The following EIF3B variants were observed in gnomAD, a reference collection of about 807,000 sequenced individuals.
EIF3B encodes the protein eukaryotic translation initiation factor 3 subunit 9.
A neutral mutation model predicts 104.6 loss-of-function variants in EIF3B; 10 were observed. That is an observed-to-expected ratio of 0.10 (90% CI 0.06 to 0.16). EIF3B has a LOEUF of 0.16. Ranked by LOEUF, EIF3B falls within the 10% of genes least tolerant of loss-of-function variation. The pLI, the probability that EIF3B is intolerant of heterozygous loss-of-function variation, is 1.00. For synonymous variants in EIF3B, 542 were observed against 417.2 expected (o/e 1.30, Z -3.65); for missense variants, 1,014 against 1,087.9 (o/e 0.93, Z 0.96).
At chr7:2,356,320 G>A (rs1042719566) in intron 1 of EIF3B, among the ~76,000 whole-genome samples, 1 of 152,142 alleles carries the variant, frequency 6.6e-6, no homozygotes, top group Non-Finnish European at 1.5e-5. Flanking sequence ...ATTTTTAAAA[G>A]GCTATCAGAG....
At position 2,365,533 on chromosome 7, in the gene EIF3B, G is replaced by A. The variant is rs867935885; in HGVS notation, c.1158-784G>A. On this transcript the variant is annotated intron_variant, in intron 6 of 18. Transcript: ENST00000360876. Reference sequence around the variant, plus strand: ...TACACACTTTGTGTGAACTGAGTAAGCAGGTGCAGTAGCTCCAGACAAGCC... The same window carrying A: ...TACACACTTTGTGTGAACTGAGTAAACAGGTGCAGTAGCTCCAGACAAGCC... Among the ~76,000 whole-genome samples the A allele has an allele frequency of 1.3e-4, 20 of 152,332 alleles. No individual in the cohort carries two copies. The South Asian group carries it at 3.1e-3, about 24-fold the overall frequency.
rs142905401 is a variant in EIF3B at position 2,376,747 on chromosome 7, C to T, written c.2029-203C>T. The T allele has an allele frequency of 8.2e-4, 520 of 636,442 alleles. 4 individuals are homozygous for T. The highest frequency in any genetic ancestry group is 6.8e-3 in the African/African-American group (368 of 54,182). 39.4% of individuals were successfully genotyped at this position (636,442 alleles called of 1,614,324 possible). On this transcript the variant is annotated intron_variant, in intron 14 of 18. Coordinates refer to ENST00000360876, the MANE Select transcript of EIF3B (RefSeq NM_001037283.2). ...GTGATGAGCGCTGCTCCAGCTGCTC[C>T]GTGCCCCGCACTCCGGGTCGGTTGC... is the stretch of plus-strand genomic sequence containing the variant.
intron 1 of EIF3B, 49 bp from the exon 2 acceptor site, chr7:2,360,661 A>C: frequency 6.8e-7 from 1 of 1,461,596 alleles, no homozygotes. Flanking sequence ...TTAATGTATT[A>C]ATGTTTTTCT....
rs189767749 is a variant in EIF3B, at chr7:2,371,758, C to T, written c.1615-19C>T. On this transcript the variant is annotated intron_variant, in intron 10 of 18. Coordinates refer to ENST00000360876, the MANE Select transcript of EIF3B (RefSeq NM_001037283.2). ...TTCACTGTCCAGAATGTCACCCCTT[C>T]CCCCTTTTTTTTAAACAGGGTGTTG... The T allele has an allele frequency of 3.8e-3, 6,059 of 1,585,882 alleles. 33 individuals are homozygous for T. The highest frequency in any genetic ancestry group is 3.9e-3 in the Non-Finnish European group (4,451 of 1,154,356).
chr7:2,370,760 A>G, intron 10 of EIF3B, among the ~76,000 whole-genome samples: 1 of 151,734 alleles, frequency 6.6e-6, no homozygotes, highest in East Asian at 1.9e-4. Flanking sequence ...GTGAGACCCC[A>G]TCTCCACAGA....
intron 6 of EIF3B, among the ~76,000 whole-genome samples, chr7:2,365,339 G>T (rs1479357686): frequency 6.6e-6 from 1 of 152,136 alleles, no homozygotes; most frequent in African/African-American, 2.4e-5. Flanking sequence ...GCGAGCTGGG[G>T]CCACTCTAGG....
intron 12 of EIF3B, chr7:2,373,059 G>A (rs1780444711): frequency 6.5e-6 from 2 of 307,704 alleles, no homozygotes; most frequent in Admixed American, 4.9e-5. Flanking sequence ...ATCATCTCAA[G>A]TGAAGCTTTT....
upstream of EIF3B, chr7:2,354,443 T>C (rs1779267731): frequency 6.6e-6 from 1 of 152,232 alleles, no homozygotes; most frequent in Non-Finnish European, 1.5e-5. Context: ...GTCTCCACTC[T>C]TCCAGGGTAT....
At chr7:2,354,494 AC>A (rs1189196123), upstream of EIF3B, among the ~76,000 whole-genome samples, 4 of 152,168 alleles carry the variant, frequency 2.6e-5, no homozygotes, top group African/African-American at 7.2e-5. Context: ...CATTCCGGGT[AC>A]TAAAATCATT....
chr7:2,375,415 A>C lies in EIF3B; in HGVS notation c.1916A>C (p.Asp639Ala). 6.2e-7 allele frequency: 1 copy of C among 1,614,128 alleles called. No individual in the cohort carries two copies. The highest frequency in any genetic ancestry group is 8.5e-7 in the Non-Finnish European group (1 of 1,180,014). The change falls in exon 14 of 19, where the codon GAC becomes GCC. Residue 639 changes from aspartate (D) to alanine (A), a missense_variant. This residue lies in a region of EIF3B where 266 missense variants were observed against 324.0 expected (regional missense o/e 0.82). Coordinates refer to ENST00000360876, the MANE Select transcript of EIF3B (RefSeq NM_001037283.2). ...ATGAACGGTGCCTTAGCGTTTGTGG[A>C]CACTTCGGACTGCACGGTCATGAAC... is the stretch of plus-strand genomic sequence containing the variant. ...RSMNGALAFV[D>A]TSDCTVMNIA...
intron 15 of EIF3B, chr7:2,378,247 C>T (rs181863388): frequency 6.5e-4 from 97 of 148,290 alleles, no homozygotes; most frequent in African/African-American, 2.5e-3. Context: ...GGAGAAGGCG[C>T]GAGCACTGCT....
chr7:2,363,363 G>C (rs575011438), intron 4 of EIF3B, among the ~76,000 whole-genome samples: 8 of 152,158 alleles, frequency 5.3e-5, no homozygotes, highest in South Asian at 2.1e-4. Context: ...GGAGGCTGAG[G>C]GGGGAGGATC....
chr7:2,355,125 C>T lies in EIF3B; in HGVS notation c.204C>T (p.Thr68=), dbSNP rs1286087541. 2.9e-6 allele frequency: 4 copies of T among 1,402,644 alleles called. No individual in the cohort carries two copies. The highest frequency in any genetic ancestry group is 3.7e-6 in the Non-Finnish European group (4 of 1,087,656). 86.9% of individuals were successfully genotyped at this position (1,402,644 alleles called of 1,614,324 possible). The change falls in exon 1 of 19, where the codon ACC becomes ACT. Residue 68 remains threonine (T), a synonymous_variant. Coordinates refer to ENST00000360876, the MANE Select transcript of EIF3B (RefSeq NM_001037283.2). The part of the protein sequence containing the change: ...AEAGPESEVR[T]EPAAEAEAAS... ...CCGGGCCGGAGTCCGAGGTGAGGAC[C>T]GAGCCGGCGGCCGAGGCAGAGGCGG...
chr7:2,379,107 C>T (rs554618755), intron 16 of EIF3B, 27 bp from the exon 17 acceptor site: 10 of 1,603,928 alleles, frequency 6.2e-6, no homozygotes, highest in South Asian at 1.1e-5. Flanking sequence ...CTTACCAGTT[C>T]TGTGCTTTCC....
intron 4 of EIF3B, among the ~76,000 whole-genome samples, 176 bp downstream of exon 4, chr7:2,363,303 A>C (rs942895891): frequency 2.0e-5 from 3 of 151,996 alleles, no homozygotes; most frequent in African/African-American, 7.3e-5. Context: ...AAAGTAAATA[A>C]ATACATACAT....
In EIF3B at chr7:2,366,177, G is replaced by A. The variant is rs1005366278; in HGVS notation, c.1158-140G>A. ...GCGCCGCTGCTTCCCGCTTCCGCTT[G>A]GGTCTCTTGGGGCCGGGCAGTGTGG... On this transcript the variant is annotated intron_variant, in intron 6 of 18. Coordinates refer to ENST00000360876, the MANE Select transcript of EIF3B (RefSeq NM_001037283.2). The A allele has an allele frequency of 3.7e-5, 30 of 804,314 alleles. 1 individual carries two copies. Among genetic ancestry groups the A allele is most frequent in the Non-Finnish European group, 5.6e-5 (29 of 516,324 alleles). The allele number at this position is 804,314 out of a possible 1,614,324, so 49.8% of individuals were successfully genotyped here.
intron 16 of EIF3B, 67 bp downstream of exon 16, chr7:2,378,833 G>C: frequency 7.1e-7 from 1 of 1,400,124 alleles, no homozygotes; most frequent in Non-Finnish European, 1.0e-6. Context: ...GCGGGGCTGC[G>C]GGGAGCTGCT....
chr7:2,369,373 G>C (rs984278698), intron 9 of EIF3B, 99 bp from the exon 10 acceptor site: 1 of 1,283,810 alleles, frequency 7.8e-7, no homozygotes, highest in African/African-American at 1.5e-5. Context: ...TGACAGCATT[G>C]AGCTTCTATA....
chr7:2,364,447 C>G lies in EIF3B; in HGVS notation c.1075C>G (p.Leu359Val), dbSNP rs767795115. Residue 359 changes from leucine to valine, a missense_variant, in exon 6 of 19, where the codon CTA (leucine) becomes GTA (valine). Around this residue, in one of 4 missense-constraint regions of EIF3B, gnomAD observed 201 missense variants for 240.7 expected, o/e 0.83. Transcript: ENST00000360876. ...TACCTTTCATCAAAGAGGCATTGCT[C>G]TATGGGGGGGAGAGAAATTCAAGCA... ...LATFHQRGIALWGGEKFKQIQ... is the reference protein window; with the variant it reads ...LATFHQRGIAVWGGEKFKQIQ... 6.8e-6 allele frequency: 11 copies of G among 1,613,274 alleles called. No individual in the cohort carries two copies. The highest frequency in any genetic ancestry group is 6.7e-5 in the Admixed American group (4 of 59,880).
Sources: allele counts gnomAD v4.1 joint callset (sites outside exome capture counted in the v4.1 genomes callset), GRCh38; gene constraint gnomAD v4.1.1; regional missense constraint gnomAD v4.1.1; transcripts MANE v1.5; gene names NCBI Gene and HGNC (gene_info 2026-07-23, HGNC 2026-07-21).